The following IPCEF1 variants were observed in gnomAD, a reference collection of about 807,000 sequenced individuals.
IPCEF1 encodes interaction protein for cytohesin exchange factors 1, also known as interactor protein for cytohesin exchange factors 1.
Under a neutral mutation model 50.9 loss-of-function variants are expected in IPCEF1, and 31 were observed. The observed-to-expected ratio is 0.61, with a 90% CI of 0.46 to 0.82. The LOEUF (loss-of-function observed/expected upper bound fraction) is 0.82, where lower values mean the gene tolerates loss of function less well. Ranked by LOEUF, IPCEF1 falls within the 40% of genes least tolerant of loss-of-function variation. The pLI, the probability that IPCEF1 is intolerant of heterozygous loss-of-function variation, is 0.00. For synonymous variants in IPCEF1, 181 were observed against 192.0 expected (o/e 0.94, Z 0.47); for missense variants, 458 against 514.0 (o/e 0.89, Z 1.05).
intron 1 of IPCEF1, among the ~76,000 whole-genome samples, chr6:154,323,212 G>C (rs1031452154): frequency 6.6e-6 from 1 of 152,024 alleles, no homozygotes; most frequent in African/African-American, 2.4e-5. Flanking sequence ...CGAGGGACTA[G>C]AAGTGCTGAG....
intron 10 of IPCEF1, among the ~76,000 whole-genome samples, chr6:154,169,099 G>A (rs922382606): frequency 3.3e-5 from 5 of 149,954 alleles, no homozygotes; most frequent in Admixed American, 2.0e-4. Context: ...GGTGGCTCAC[G>A]CCTGTAATCC....
intron 1 of IPCEF1, among the ~76,000 whole-genome samples, chr6:154,325,196 A>G (rs912362781): frequency 5.9e-5 from 9 of 152,232 alleles, no homozygotes; most frequent in African/African-American, 2.2e-4. Flanking sequence ...AAACATATTC[A>G]TAAGATGGCT....
intron 3 of IPCEF1, among the ~76,000 whole-genome samples, chr6:154,252,513 A>G (rs922495580): frequency 6.6e-6 from 1 of 152,038 alleles, no homozygotes; most frequent in Non-Finnish European, 1.5e-5. Context: ...CGTCTCTACT[A>G]AAAATACAAA....
chr6:154,256,314 A>G lies in IPCEF1; in HGVS notation c.37-8826T>C, dbSNP rs149413819. ...TCTCATTCATCAGGGTGAAGCCCTC[A>G]TGACCTAATTAACTCTCAAAGGTTC... On this transcript the variant is annotated intron_variant, in intron 3 of 11. Transcript: ENST00000367220. Among the ~76,000 whole-genome samples, 644 of 152,292 alleles carry G rather than the reference A, an allele frequency of 4.2e-3. 12 individuals are homozygous for G. The highest frequency in any genetic ancestry group is 0.031 in the Admixed American group (470 of 15,288).
At position 154,221,328 on chromosome 6, in the gene IPCEF1, A is replaced by C. The variant is rs756783893; in HGVS notation, c.321T>G (p.His107Gln). The change falls in exon 7 of 12, where the codon CAT becomes CAG. Residue 107 changes from histidine (H) to glutamine (Q), a missense_variant and splice_region_variant. Transcript: ENST00000367220. ...TCTGTGGATGGCTGATCTTAAAAGC[A>C]CTTGAAGGAGGAAAAGCACAAACAC... ...VERASECKKK[H>Q]AFKISHPQIK... 7 of 1,613,484 alleles carry C rather than the reference A, an allele frequency of 4.3e-6. No individual in the cohort carries two copies. In the African/African-American group the frequency reaches 8.0e-5, roughly 18 times the overall value.
At position 154,201,621 on chromosome 6, in the gene IPCEF1, G is replaced by A. The variant is rs188670826; in HGVS notation, c.538-1581C>T. Among the ~76,000 whole-genome samples, 72 of 152,280 alleles carry A rather than the reference G, an allele frequency of 4.7e-4. No homozygotes were observed. In the Middle Eastern group the frequency reaches 0.01, roughly 22 times the overall value. ...TTCAAAACTCTAAGGAAGGCCAGGC[G>A]CGGTGGCTCATGCCTGTAATCCCAG... On this transcript the variant is annotated intron_variant, in intron 9 of 11. Transcript: ENST00000367220.
intron 7 of IPCEF1, among the ~76,000 whole-genome samples, chr6:154,219,445 G>A (rs12199594): frequency 0.046 from 6,963 of 152,180 alleles, 225 homozygotes; most frequent in Non-Finnish European, 0.072. Context: ...ATTGGGCAGG[G>A]GAGAGGCGGG....
intron 5 of IPCEF1, among the ~76,000 whole-genome samples, chr6:154,242,212 T>C (rs534242456): frequency 6.6e-6 from 1 of 152,270 alleles, no homozygotes; most frequent in Non-Finnish European, 1.5e-5. Context: ...ATCCTAATAA[T>C]GTGTTAGCAA....
intron 10 of IPCEF1, among the ~76,000 whole-genome samples, chr6:154,195,849 T>G (rs1157525020): frequency 6.7e-6 from 1 of 150,020 alleles, no homozygotes; most frequent in African/African-American, 2.5e-5. Context: ...TGGGGTGCAG[T>G]GGTGCAATCT....
intron 1 of IPCEF1, among the ~76,000 whole-genome samples, chr6:154,313,145 G>C (rs146247427): frequency 2.0e-5 from 3 of 150,926 alleles, no homozygotes; most frequent in Non-Finnish European, 2.9e-5. Context: ...ACTGTGGAGG[G>C]CAGATCACCC....
At chr6:154,259,107 CA>C (rs1781531631) in intron 3 of IPCEF1, among the ~76,000 whole-genome samples, 1 of 152,148 alleles carries the variant, frequency 6.6e-6, no homozygotes, top group East Asian at 1.9e-4. Flanking sequence ...TTAAGCAACA[CA>C]AAAGTTTCAC....
chr6:154,332,064 C>A (rs147164175), intron 1 of IPCEF1, among the ~76,000 whole-genome samples: 238 of 152,270 alleles, frequency 1.6e-3, no homozygotes, highest in African/African-American at 5.5e-3. Context: ...TGCCCCTCAG[C>A]CAAATTCTTT....
intron 1 of IPCEF1, among the ~76,000 whole-genome samples, chr6:154,340,966 T>C (rs1783903742): frequency 6.6e-6 from 1 of 151,830 alleles, no homozygotes; most frequent in Non-Finnish European, 1.5e-5. Context: ...TTATATATCA[T>C]ATATACAAAG....
chr6:154,344,771 A>ATTCAACTT (rs1783993170), intron 1 of IPCEF1, among the ~76,000 whole-genome samples: 1 of 152,094 alleles, frequency 6.6e-6, no homozygotes, highest in Admixed American at 6.5e-5. Context: ...AGAAGTTATT[A>ATTCAACTT]TTCAACTTTT....
chr6:154,298,262 TA>T (rs1782711499), intron 1 of IPCEF1, among the ~76,000 whole-genome samples: 1 of 152,180 alleles, frequency 6.6e-6, no homozygotes, highest in South Asian at 2.1e-4. Context: ...CAGAGAACTA[TA>T]AAAACTTTTT....
intron 1 of IPCEF1, among the ~76,000 whole-genome samples, chr6:154,324,448 T>G (rs1319090625): frequency 6.6e-6 from 1 of 151,672 alleles, no homozygotes; most frequent in African/African-American, 2.4e-5. Context: ...AAAAAGAAAA[T>G]CATAAAACTA....
rs1049239568 is a variant in IPCEF1 at position 154,292,274 on chromosome 6, C to A, written c.-61-2518G>T. On this transcript the variant is annotated intron_variant, in intron 1 of 11. Transcript: ENST00000367220. ...GCAGAGGTACTCACAGGTTGGAATG[C>A]TTTCCTTCTTTGTATACATTAGGAA... is the stretch of plus-strand genomic sequence containing the variant. Among the ~76,000 whole-genome samples the A allele has an allele frequency of 3.3e-5, 5 of 152,292 alleles. No individual in the cohort carries two copies. In the South Asian group the frequency reaches 8.3e-4, roughly 25 times the overall value.
chr6:154,299,850 T>TA lies in IPCEF1; in HGVS notation c.-61-10095dup, dbSNP rs1470787064. Among the ~76,000 whole-genome samples, 19 of 138,058 alleles carry TA rather than the reference T, an allele frequency of 1.4e-4. 4 individuals carry two copies. The highest frequency in any genetic ancestry group is 1.6e-4 in the Non-Finnish European group (10 of 61,872). The allele number at this position is 138,058 out of a possible 152,430, so 90.6% of individuals were successfully genotyped here. A position where few individuals can be genotyped will look rare whatever the true frequency, so the allele number is the denominator to read the frequency against. On this transcript the variant is annotated intron_variant, in intron 1 of 11. Coordinates refer to ENST00000367220, the MANE Select transcript of IPCEF1 (RefSeq NM_001130700.2). ...AATAAAGCAAATACCATAAAATGTT[T>TA]AAAAAAAGAAAAGAAAAAAGAAAGT...
At chr6:154,289,219 A>G (rs1395312366) in intron 2 of IPCEF1, among the ~76,000 whole-genome samples, 2 of 152,068 alleles carry the variant, frequency 1.3e-5, no homozygotes, top group Non-Finnish European at 2.9e-5. Flanking sequence ...GAGTAAACTT[A>G]TAAACTTTAG....
Sources: allele counts gnomAD v4.1 joint callset (sites outside exome capture counted in the v4.1 genomes callset), GRCh38; gene constraint gnomAD v4.1.1; transcripts MANE v1.5; gene names NCBI Gene and HGNC (gene_info 2026-07-23, HGNC 2026-07-21).